PCDH11X: variants seen among roughly 807,000 people sequenced by gnomAD.
PCDH11X encodes protocadherin 11 X-linked.
Under a neutral mutation model 53.3 loss-of-function variants are expected in PCDH11X, and 18 were observed. The ratio of observed to expected loss-of-function variants is 0.34; its 90% confidence interval spans 0.23 to 0.50. The LOEUF is 0.50. Ranked by LOEUF, PCDH11X falls within the 20% of genes least tolerant of loss-of-function variation. PCDH11X has a pLI of 0.98. For missense variants in PCDH11X, 570 were observed against 1,032.4 expected (o/e 0.55, Z 6.14); for synonymous variants, 279 against 393.3 (o/e 0.71, Z 3.44).
chrX:92,059,835 T>G (rs2063501398), intron 6 of PCDH11X, among the ~76,000 whole-genome samples: 1 of 110,176 alleles, frequency 9.1e-6, no homozygotes, highest in Non-Finnish European at 1.9e-5. Flanking sequence ...TAGGCATCAC[T>G]GCTACTTAAT....
intron 6 of PCDH11X, among the ~76,000 whole-genome samples, chrX:91,956,732 C>G (rs1335382388): frequency 1.8e-5 from 2 of 109,874 alleles, no homozygotes; most frequent in Non-Finnish European, 3.8e-5. Flanking sequence ...CATTATGTAT[C>G]TTGGGGTTGA....
intron 6 of PCDH11X, among the ~76,000 whole-genome samples, chrX:92,096,438 ATGTGTGTG>A (rs10591250): frequency 7.3e-4 from 69 of 94,403 alleles, no homozygotes; most frequent in Middle Eastern, 5.4e-3. Flanking sequence ...GTGTATGTGT[ATGTGTGTG>A]TGTGTGTGTG....
At chrX:91,958,359 G>A (rs918942548) in intron 6 of PCDH11X, among the ~76,000 whole-genome samples, 19 of 111,432 alleles carry the variant, frequency 1.7e-4, no homozygotes, top group Non-Finnish European at 3.4e-4. Context: ...CACCTTACTG[G>A]TGATCCCAAG....
At chrX:91,785,536 G>A (rs1175994314) in intron 1 of PCDH11X, among the ~76,000 whole-genome samples, 1 of 112,149 alleles carries the variant, frequency 8.9e-6, no homozygotes, top group Non-Finnish European at 1.9e-5. Flanking sequence ...GAAAGAGTAC[G>A]CTGTAAAAAT....
chrX:92,484,127 ATG>A (rs748419782), intron 10 of PCDH11X, among the ~76,000 whole-genome samples: 12,831 of 89,694 alleles, frequency 0.14, 1,041 homozygotes, highest in East Asian at 0.46. Context: ...TAGTATATAT[ATG>A]TATATATGTA....
chrX:92,423,234 T>G lies in PCDH11X; in HGVS notation c.3343+35301T>G, dbSNP rs1373903491. On this transcript the variant is annotated intron_variant, in intron 9 of 10. Transcript: ENST00000682573. Reference sequence around the variant, plus strand: ...TTTGCATTTCCTTGATAATTAGTGATGTTGAGGCTTTTTTCATGTTTGTCG... The same window carrying G: ...TTTGCATTTCCTTGATAATTAGTGAGGTTGAGGCTTTTTTCATGTTTGTCG... Among the ~76,000 whole-genome samples the G allele has an allele frequency of 4.1e-5, 4 of 97,592 alleles. 2 individuals carry two copies. Among genetic ancestry groups the G allele is most frequent in the Non-Finnish European group, 9.1e-5 (4 of 44,194 alleles). The allele number at this position is 97,592 out of a possible 115,157, so 84.7% of individuals were successfully genotyped here. A position where few individuals can be genotyped will look rare whatever the true frequency, so the allele number is the denominator to read the frequency against.
intron 5 of PCDH11X, among the ~76,000 whole-genome samples, chrX:91,871,818 A>G (rs1208579991): frequency 9.0e-6 from 1 of 111,362 alleles, no homozygotes; most frequent in East Asian, 2.8e-4. Context: ...TATCTTGCTT[A>G]TTTCAGCAGT....
chrX:91,903,870 G>A (rs1941052778), intron 6 of PCDH11X, among the ~76,000 whole-genome samples: 1 of 110,690 alleles, frequency 9.0e-6, no homozygotes, highest in Admixed American at 9.8e-5. Flanking sequence ...GTAGAGGTGG[G>A]AAATGAAAAT....
chrX:92,042,323 A>G (rs2063220925), intron 6 of PCDH11X, among the ~76,000 whole-genome samples: 1 of 107,242 alleles, frequency 9.3e-6, no homozygotes, highest in African/African-American at 3.4e-5. Flanking sequence ...ATTTACTTTT[A>G]TTAAATACAT....
chrX:91,820,756 G>A (rs1204507108), intron 4 of PCDH11X, among the ~76,000 whole-genome samples: 5 of 102,368 alleles, frequency 4.9e-5, no homozygotes, highest in South Asian at 3.9e-4. Context: ...CCATGCCTAT[G>A]TCCTGAATGG....
chrX:92,109,845 C>T (rs1014560900), intron 6 of PCDH11X, among the ~76,000 whole-genome samples: 5 of 112,379 alleles, frequency 4.4e-5, no homozygotes, highest in African/African-American at 1.3e-4. Context: ...ACAAGGACAG[C>T]TTAAAGGTTA....
chrX:92,023,207 C>T lies in PCDH11X; in HGVS notation c.3033+143934C>T, dbSNP rs182330357. ...GGAGATAGAGACACAACAATCCCTC[C>T]AAAACATCAATGAATCCAGGAGCTA... is the stretch of plus-strand genomic sequence containing the variant. On this transcript the variant is annotated intron_variant, in intron 6 of 10. Transcript: ENST00000682573. Among the ~76,000 whole-genome samples the T allele has an allele frequency of 6.5e-5, 7 of 107,282 alleles. No individual in the cohort carries two copies. The East Asian group carries it at 1.5e-3, about 23-fold the overall frequency. 93.2% of individuals were successfully genotyped at this position (107,282 alleles called of 115,157 possible).
At chrX:92,460,998 A>G (rs1247630405) in intron 9 of PCDH11X, 30 of 723,124 alleles carry the variant, frequency 4.1e-5, no homozygotes, top group Non-Finnish European at 5.5e-5. Context: ...GGCCAATAAA[A>G]AGTACAGAGT....
chrX:92,364,262 T>C (rs777650873), intron 8 of PCDH11X, among the ~76,000 whole-genome samples: 485 of 111,755 alleles, frequency 4.3e-3, no homozygotes, highest in African/African-American at 0.014. Context: ...TACATGAACT[T>C]ACACTCTATA....
intron 9 of PCDH11X, among the ~76,000 whole-genome samples, chrX:92,419,275 C>CTTTTT (rs200748988): frequency 8.3e-4 from 74 of 88,823 alleles, no homozygotes; most frequent in East Asian, 1.2e-3. Context: ...TTTTTTTGTT[C>CTTTTT]TTTTTTTTTT....
intron 6 of PCDH11X, among the ~76,000 whole-genome samples, chrX:92,099,851 A>G: frequency 9.0e-6 from 1 of 111,369 alleles, no homozygotes; most frequent in Admixed American, 9.6e-5. Context: ...AACCAATTCA[A>G]TGTGCACTAT....
rs2072750896 is a variant in PCDH11X, at chrX:92,450,219, A to G, written c.3344-18080A>G. 3.6e-5 allele frequency among the ~76,000 whole-genome samples: 4 copies of G among 110,497 alleles called. No homozygotes were observed. The South Asian group carries it at 1.5e-3, about 43-fold the overall frequency. The stretch of plus-strand genomic sequence containing the variant: ...TTGGTTAGAAGGTTATAGAACATCA[A>G]GATTTTATTGGTAAGCACATAACCC... On this transcript the variant is annotated intron_variant, in intron 9 of 10. Transcript: ENST00000682573.
At chrX:92,434,739 G>T (rs2072330459) in intron 9 of PCDH11X, among the ~76,000 whole-genome samples, 1 of 108,049 alleles carries the variant, frequency 9.3e-6, no homozygotes, top group African/African-American at 3.4e-5. Context: ...TCATGCCCCT[G>T]AAAAAGACAT....
rs748781138 is a variant in PCDH11X at position 92,462,042 on chromosome X, T to A, written c.3344-6257T>A. ...TTTTCTTTATAGTACAGCAAATTTT[T>A]AAATTAGTTTGTAATAGAGCAAACA... On this transcript the variant is annotated intron_variant, in intron 9 of 10. Coordinates refer to ENST00000682573, the MANE Select transcript of PCDH11X (RefSeq NM_032968.5). 3.6e-5 allele frequency among the ~76,000 whole-genome samples: 4 copies of A among 112,103 alleles called. No homozygotes were observed. In the East Asian group the frequency reaches 1.1e-3, roughly 31 times the overall value.
Sources: gnomAD v4.1 joint callset for allele counts (sites outside exome capture counted in the v4.1 genomes callset) on GRCh38, gnomAD v4.1.1 for gene constraint, MANE v1.5 for transcripts, NCBI Gene and HGNC (gene_info 2026-07-23, HGNC 2026-07-21) for gene names.